Variants in JAZF1 observed in about 807,000 individuals in gnomAD.
JAZF1 encodes juxtaposed with another zinc finger protein 1.
Under a neutral mutation model 26.4 loss-of-function variants are expected in JAZF1, and 8 were observed. The observed-to-expected ratio is 0.30, with a 90% CI of 0.18 to 0.55. JAZF1 has a LOEUF of 0.55. Among genes scored for constraint, JAZF1 ranks in the 20% least tolerant of loss-of-function variants. The pLI, the probability that JAZF1 is intolerant of heterozygous loss-of-function variation, is 0.94. For missense variants in JAZF1, 199 were observed against 322.0 expected (o/e 0.62, Z 2.92); for synonymous variants, 126 against 122.3 (o/e 1.03, Z -0.20).
intron 3 of JAZF1, chr7:27,843,794 G>A (rs1262997590): frequency 6.6e-6 from 1 of 152,244 alleles, no homozygotes; most frequent in South Asian, 2.1e-4. Flanking sequence ...TAAAATGGGC[G>A]AACGCCTGTG....
At chr7:27,842,974 A>C (rs1017824639) in intron 3 of JAZF1, 1 of 152,252 alleles carries the variant, frequency 6.6e-6, no homozygotes, top group African/African-American at 2.4e-5. Flanking sequence ...CCACTGGATC[A>C]AAAGCGATCA....
chr7:28,109,217 CCA>C (rs1289044793), intron 1 of JAZF1, among the ~76,000 whole-genome samples: 1 of 152,132 alleles, frequency 6.6e-6, no homozygotes, highest in East Asian at 1.9e-4. Context: ...AATGTTTTCA[CCA>C]CACACACAAA....
intron 2 of JAZF1, among the ~76,000 whole-genome samples, chr7:27,905,053 C>T (rs1434867361): frequency 1.3e-5 from 2 of 152,186 alleles, no homozygotes; most frequent in Non-Finnish European, 2.9e-5. Context: ...CTTGCTTCAG[C>T]CTCCCAAGTA....
chr7:28,073,064 T>C (rs1477927187), intron 1 of JAZF1, among the ~76,000 whole-genome samples: 1 of 152,142 alleles, frequency 6.6e-6, no homozygotes, highest in Non-Finnish European at 1.5e-5. Flanking sequence ...TATCGGTAGG[T>C]GTTAGCAGTG....
intron 3 of JAZF1, among the ~76,000 whole-genome samples, chr7:27,854,684 T>C (rs1030782678): frequency 6.6e-6 from 1 of 152,244 alleles, no homozygotes; most frequent in African/African-American, 2.4e-5. Flanking sequence ...TTTAAGAATG[T>C]TGAATATCGG....
chr7:27,968,526 T>C (rs1245294176), intron 2 of JAZF1, among the ~76,000 whole-genome samples: 1 of 152,248 alleles, frequency 6.6e-6, no homozygotes, highest in East Asian at 1.9e-4. Context: ...TGCTATTATA[T>C]ACAAATATGC....
chr7:28,013,750 T>C (rs1244608803), intron 1 of JAZF1, among the ~76,000 whole-genome samples: 2 of 152,114 alleles, frequency 1.3e-5, no homozygotes, highest in Non-Finnish European at 2.9e-5. Flanking sequence ...CCTATCTGAT[T>C]GCTGGCCACA....
chr7:27,928,557 G>A (rs1391639810), intron 2 of JAZF1, among the ~76,000 whole-genome samples: 1 of 152,072 alleles, frequency 6.6e-6, no homozygotes, highest in Admixed American at 6.5e-5. Flanking sequence ...TCTTTGTTTT[G>A]TTCTTTGCTA....
At chr7:27,836,165 G>A (rs1782810356) in intron 4 of JAZF1, among the ~76,000 whole-genome samples, 1 of 152,122 alleles carries the variant, frequency 6.6e-6, no homozygotes. Context: ...ACCAGCTAGT[G>A]GTCTTTGAAA....
At chr7:27,996,104 T>C (rs1786009913) in intron 1 of JAZF1, among the ~76,000 whole-genome samples, 2 of 152,222 alleles carry the variant, frequency 1.3e-5, no homozygotes, top group Non-Finnish European at 1.5e-5. Flanking sequence ...GCAGTGCTCT[T>C]GTCAAGTCTA....
intron 1 of JAZF1, among the ~76,000 whole-genome samples, chr7:28,144,894 G>C (rs1783002572): frequency 6.6e-6 from 1 of 152,086 alleles, no homozygotes; most frequent in Non-Finnish European, 1.5e-5. Flanking sequence ...TTCCAAGAAG[G>C]GAAAGTAAAA....
At chr7:27,843,693 A>G (rs899751744) in intron 3 of JAZF1, 3 of 152,286 alleles carry the variant, frequency 2.0e-5, no homozygotes, top group African/African-American at 7.2e-5. Context: ...CCAAGAGGCT[A>G]CAGAGGCCAG....
chr7:27,908,662 T>C (rs911528968), intron 2 of JAZF1, among the ~76,000 whole-genome samples: 2 of 152,090 alleles, frequency 1.3e-5, no homozygotes, highest in African/African-American at 4.8e-5. Context: ...CAGCAACCAA[T>C]CAGAAGGGGC....
At chr7:28,033,788 G>T (rs547581364) in intron 1 of JAZF1, among the ~76,000 whole-genome samples, 4 of 152,130 alleles carry the variant, frequency 2.6e-5, no homozygotes, top group Non-Finnish European at 5.9e-5. Flanking sequence ...TGTCACCCAG[G>T]CTGGAACGCA....
At chr7:27,886,266 CA>C (rs1402526195) in intron 3 of JAZF1, among the ~76,000 whole-genome samples, 2 of 152,188 alleles carry the variant, frequency 1.3e-5, no homozygotes, top group African/African-American at 4.8e-5. Flanking sequence ...TCTCAAGCAG[CA>C]GAACCAAGAA....
chr7:27,951,602 G>A (rs1014371462), intron 2 of JAZF1, among the ~76,000 whole-genome samples: 1 of 152,178 alleles, frequency 6.6e-6, no homozygotes, highest in Non-Finnish European at 1.5e-5. Context: ...AAACATTCAG[G>A]ATCCTGAATC....
intron 1 of JAZF1, chr7:28,020,415 C>G (rs1782983247): frequency 5.4e-6 from 2 of 367,452 alleles, no homozygotes; most frequent in East Asian, 7.4e-5. Flanking sequence ...TGGGGTAACA[C>G]TGCTGCAGAA....
chr7:27,961,007 C>A (rs1785176815), intron 2 of JAZF1, among the ~76,000 whole-genome samples: 1 of 152,166 alleles, frequency 6.6e-6, no homozygotes, highest in Admixed American at 6.5e-5. Context: ...GTCAATCAAA[C>A]CTCTTCATCA....
At chr7:27,977,662 AT>A (rs1785500842) in intron 2 of JAZF1, among the ~76,000 whole-genome samples, 1 of 152,202 alleles carries the variant, frequency 6.6e-6, no homozygotes, top group Non-Finnish European at 1.5e-5. Flanking sequence ...GGATCCTGAT[AT>A]AGATTTTTGG....
Sources: gnomAD v4.1 joint callset for allele counts (sites outside exome capture counted in the v4.1 genomes callset) on GRCh38, gnomAD v4.1.1 for gene constraint, MANE v1.5 for transcripts, NCBI Gene and HGNC (gene_info 2026-07-23, HGNC 2026-07-21) for gene names.